The following SNTG1 variants were observed in gnomAD, a reference collection of about 807,000 sequenced individuals.
SNTG1 encodes syntrophin gamma 1, also known as gamma-1-syntrophin.
A neutral mutation model predicts 74.7 loss-of-function variants in SNTG1; 39 were observed. That is an observed-to-expected ratio of 0.52 (90% CI 0.40 to 0.68). The LOEUF is 0.68. SNTG1 is among the 30% of genes least tolerant of loss of function. The probability of loss-of-function intolerance (pLI) is 0.00; values close to 1 mark genes in which losing one functional copy is unlikely to be tolerated. For missense variants in SNTG1, 685 were observed against 609.5 expected, an observed-to-expected ratio of 1.12 and a Z score of -1.30; for synonymous variants, 254 against 217.1, an observed-to-expected ratio of 1.17 and a Z score of -1.49.
chr8:50,012,176 G>A (rs1815875665), intron 1 of SNTG1, among the ~76,000 whole-genome samples: 1 of 152,088 alleles, frequency 6.6e-6, no homozygotes, highest in African/African-American at 2.4e-5. Flanking sequence ...AAAAAAATGA[G>A]CACTTACACC....
chr8:50,662,880 G>T (rs1465712252), intron 15 of SNTG1, among the ~76,000 whole-genome samples: 1 of 152,148 alleles, frequency 6.6e-6, no homozygotes, highest in African/African-American at 2.4e-5. Context: ...ATGCATTTTT[G>T]TCTGTTAATT....
intron 8 of SNTG1, among the ~76,000 whole-genome samples, chr8:50,465,820 T>C (rs1160934580): frequency 1.3e-5 from 2 of 152,194 alleles, no homozygotes; most frequent in African/African-American, 2.4e-5. Context: ...ATGGATGCAG[T>C]ATAATTTGTT....
intron 15 of SNTG1, among the ~76,000 whole-genome samples, chr8:50,667,798 TTTA>T (rs752333898): frequency 8.5e-5 from 13 of 152,112 alleles, no homozygotes; most frequent in Middle Eastern, 3.4e-3. Flanking sequence ...TGCTTTACAT[TTTA>T]TTAAGTAATT....
chr8:50,782,979 G>A (rs1426555521), intron 18 of SNTG1, among the ~76,000 whole-genome samples: 3 of 152,182 alleles, frequency 2.0e-5, no homozygotes, highest in Non-Finnish European at 4.4e-5. Context: ...CCCAGACCCT[G>A]TTTGCCTGGG....
chr8:50,183,341 G>T (rs1035643483), intron 2 of SNTG1, among the ~76,000 whole-genome samples: 3 of 152,072 alleles, frequency 2.0e-5, no homozygotes, highest in African/African-American at 7.2e-5. Flanking sequence ...TCAGCTATTT[G>T]TGCATTTGTC....
intron 12 of SNTG1, among the ~76,000 whole-genome samples, chr8:50,581,414 T>C (rs919528817): frequency 6.6e-6 from 1 of 152,200 alleles, no homozygotes; most frequent in Non-Finnish European, 1.5e-5. Context: ...TTTCATCATA[T>C]TTACTCTATA....
intron 13 of SNTG1, among the ~76,000 whole-genome samples, chr8:50,631,061 T>C (rs1019494600): frequency 1.3e-5 from 2 of 152,214 alleles, no homozygotes; most frequent in Non-Finnish European, 2.9e-5. Context: ...TGTAACCTCT[T>C]GGCCCTCTTA....
intron 1 of SNTG1, among the ~76,000 whole-genome samples, chr8:50,010,083 T>C (rs1815629387): frequency 6.6e-6 from 1 of 152,186 alleles, no homozygotes; most frequent in South Asian, 2.1e-4. Context: ...TTTACTTTCT[T>C]AATGATTTTC....
chr8:50,685,006 C>CT (rs972055835), intron 15 of SNTG1, among the ~76,000 whole-genome samples: 6 of 148,304 alleles, frequency 4.0e-5, no homozygotes, highest in African/African-American at 1.5e-4. Context: ...CTTTTTCTTA[C>CT]TTAAAAAAAA....
intron 1 of SNTG1, among the ~76,000 whole-genome samples, chr8:50,057,019 A>G (rs1246391512): frequency 3.3e-5 from 5 of 152,172 alleles, no homozygotes; most frequent in African/African-American, 1.2e-4. Flanking sequence ...GTTGCAAGAG[A>G]TAAGACAATG....
At chr8:50,097,050 A>G (rs1384816182) in intron 1 of SNTG1, among the ~76,000 whole-genome samples, 2 of 151,774 alleles carry the variant, frequency 1.3e-5, no homozygotes, top group Non-Finnish European at 2.9e-5. Context: ...GCTTACTGTA[A>G]GCTCCACCTC....
intron 17 of SNTG1, among the ~76,000 whole-genome samples, chr8:50,725,575 G>A (rs1468019687): frequency 1.3e-5 from 2 of 152,058 alleles, no homozygotes; most frequent in Non-Finnish European, 2.9e-5. Context: ...CCTCTTTCCT[G>A]TCCATATTTT....
chr8:50,152,845 C>A (rs537778482), intron 1 of SNTG1, among the ~76,000 whole-genome samples: 1 of 152,134 alleles, frequency 6.6e-6, no homozygotes, highest in South Asian at 2.1e-4. Flanking sequence ...ACATTTTTTC[C>A]TCCATTTCAA....
chr8:50,309,077 A>T (rs2130735355), intron 2 of SNTG1, among the ~76,000 whole-genome samples: 1 of 152,286 alleles, frequency 6.6e-6, no homozygotes, highest in African/African-American at 2.4e-5. Context: ...ACTTAGAAGA[A>T]ATAAAAAAAA....
At chr8:50,420,204 T>A (rs1195246875) in intron 4 of SNTG1, among the ~76,000 whole-genome samples, 1 of 152,004 alleles carries the variant, frequency 6.6e-6, no homozygotes, top group Non-Finnish European at 1.5e-5. Context: ...AAGCATAAAG[T>A]CAAACAAATT....
chr8:50,008,457 A>G (rs1053403267), intron 1 of SNTG1, among the ~76,000 whole-genome samples: 1 of 152,194 alleles, frequency 6.6e-6, no homozygotes, highest in African/African-American at 2.4e-5. Flanking sequence ...AATTGGGTCT[A>G]GTCTTCCTTA....
At chr8:50,414,904 A>G (rs1290978434) in intron 4 of SNTG1, among the ~76,000 whole-genome samples, 2 of 152,116 alleles carry the variant, frequency 1.3e-5, no homozygotes, top group Non-Finnish European at 2.9e-5. Flanking sequence ...AACAGAGACC[A>G]CCTACTATAC....
At chr8:50,137,825 G>A (rs2081524205) in intron 1 of SNTG1, among the ~76,000 whole-genome samples, 1 of 152,236 alleles carries the variant, frequency 6.6e-6, no homozygotes, top group Non-Finnish European at 1.5e-5. Context: ...GAGCTTGGAG[G>A]CGACTGTCCA....
intron 2 of SNTG1, among the ~76,000 whole-genome samples, chr8:50,241,929 C>T (rs1349681011): frequency 1.3e-5 from 2 of 151,900 alleles, no homozygotes; most frequent in Admixed American, 6.6e-5. Flanking sequence ...TTGAGGTTCT[C>T]ACTGCAAACA....
Sources: gnomAD v4.1 joint callset for allele counts (sites outside exome capture counted in the v4.1 genomes callset) on GRCh38, gnomAD v4.1.1 for gene constraint, MANE v1.5 for transcripts, NCBI Gene and HGNC (gene_info 2026-07-23, HGNC 2026-07-21) for gene names.